Variants in COG3 observed in about 807,000 individuals in gnomAD.
The protein encoded by COG3 is conserved oligomeric Golgi complex subunit 3.
COG3 carries 32 observed loss-of-function variants against 114.1 expected under a neutral mutation model. That is an observed-to-expected ratio of 0.28 (90% CI 0.21 to 0.38). The LOEUF is 0.38. Among genes scored for constraint, COG3 ranks in the 10% least tolerant of loss-of-function variants. The pLI is 1.00. For missense variants in COG3, 813 were observed against 973.2 expected (o/e 0.84, Z 2.19); for synonymous variants, 352 against 365.7 (o/e 0.96, Z 0.43).
chr13:45,534,591 A>C, intron 22 of COG3, 111 bp from the exon 23 acceptor site: 1 of 603,212 alleles, frequency 1.7e-6, no homozygotes, highest in Non-Finnish European at 2.8e-6. Flanking sequence ...ACCTGGCTGT[A>C]TTGCATGATG....
At chr13:45,488,432 C>T (rs554257563) in intron 8 of COG3, among the ~76,000 whole-genome samples, 1 of 152,286 alleles carries the variant, frequency 6.6e-6, no homozygotes, top group African/African-American at 2.4e-5. Context: ...ACTCTAAACA[C>T]TCTGATTTGA....
chr13:45,505,285 A>C (rs1312137702), intron 14 of COG3, among the ~76,000 whole-genome samples: 1 of 145,894 alleles, frequency 6.9e-6, no homozygotes, highest in Non-Finnish European at 1.5e-5. Context: ...AATAAAATAT[A>C]CTAAAATTAA....
At chr13:45,500,538 T>C (rs1869412079) in intron 13 of COG3, among the ~76,000 whole-genome samples, 1 of 152,244 alleles carries the variant, frequency 6.6e-6, no homozygotes, top group Admixed American at 6.5e-5. Context: ...CTTTTATTTT[T>C]ATTTTTAAAG....
At chr13:45,498,798 T>TTTC (rs10691523) in intron 13 of COG3, among the ~76,000 whole-genome samples, 18,006 of 148,226 alleles carry the variant, frequency 0.12, 1,591 homozygotes, top group African/African-American at 0.25. Context: ...TTTTTTTTTT[T>TTTC]CAAATTGTTT....
Position 45,508,417 on chromosome 13 carries a change from CACACACACAT to C in COG3, c.1595-1269_1595-1260del, listed in dbSNP as rs1158640239. 7.6e-3 allele frequency among the ~76,000 whole-genome samples: 902 copies of C among 117,936 alleles called. 12 individuals are homozygous for C. The highest frequency in any genetic ancestry group is 0.021 in the African/African-American group (733 of 34,542). 77.4% of individuals were successfully genotyped at this position (117,936 alleles called of 152,430 possible). ...ATATATATATATACACACACACACA[CACACACACAT>C]ACACATATATATACATATATGTGTA... On this transcript the variant is annotated intron_variant, in intron 14 of 22. Coordinates refer to ENST00000349995, the MANE Select transcript of COG3 (RefSeq NM_031431.4).
Position 45,490,940 on chromosome 13 carries a change from G to T in COG3, c.950G>T (p.Arg317Leu). ...VRTLIEQIELRSEKIPEYQQL... is the reference protein window; with the variant it reads ...VRTLIEQIELLSEKIPEYQQL... Reference sequence around the variant, plus strand: ...ACTCTTATTGAACAAATAGAACTGCGGTCTGAAAAAATACCTGAGTGAGTA... The same window carrying T: ...ACTCTTATTGAACAAATAGAACTGCTGTCTGAAAAAATACCTGAGTGAGTA... The change falls in exon 9 of 23, where the codon CGG (arginine) becomes CTG (leucine). Residue 317 changes from arginine (R) to leucine (L), a missense_variant. By Grantham distance (102) the Arg-to-Leu change is moderately radical. Around this residue, in one of 2 missense-constraint regions of COG3, gnomAD observed 424 missense variants for 430.6 expected, o/e 0.98. Coordinates refer to ENST00000349995, the MANE Select transcript of COG3 (RefSeq NM_031431.4). The T allele has an allele frequency of 1.3e-6, 2 of 1,598,166 alleles. No homozygotes were observed. The highest frequency in any genetic ancestry group is 1.1e-5 in the South Asian group (1 of 89,250).
Position 45,516,697 on chromosome 13 carries a change from T to C in COG3, c.1930+434T>C, listed in dbSNP as rs559838600. On this transcript the variant is annotated intron_variant, in intron 17 of 22. Coordinates refer to ENST00000349995, the MANE Select transcript of COG3 (RefSeq NM_031431.4). ...AAGAATTTGAAAGCACTGGGTTTTC[T>C]TCCTGTCCCATCATTTCCCGGCCTT... Among the ~76,000 whole-genome samples, 4 of 152,314 alleles carry C rather than the reference T, an allele frequency of 2.6e-5. No homozygotes were observed. In the South Asian group the frequency reaches 8.3e-4, roughly 32 times the overall value.
intron 14 of COG3, among the ~76,000 whole-genome samples, chr13:45,509,360 T>C (rs547809790): frequency 8.3e-4 from 127 of 152,314 alleles, no homozygotes; most frequent in African/African-American, 3.0e-3. Context: ...TTTTAATGGC[T>C]GCATTCTATA....
In COG3 at chr13:45,464,962, C is replaced by G. The variant is rs1593662298; in HGVS notation, c.-75C>G. ...GTGCAGTGTTGGAAGCTCCGGTTCT[C>G]CCGGAAGTGGCCCAGGTCTCTCTGT... On this transcript the variant is annotated 5_prime_UTR_variant, in exon 1 of 23. Coordinates refer to ENST00000349995, the MANE Select transcript of COG3 (RefSeq NM_031431.4). 6.0e-6 allele frequency: 9 copies of G among 1,490,124 alleles called. No homozygotes were observed. The Admixed American group carries it at 1.8e-4, about 30-fold the overall frequency. 92.3% of individuals were successfully genotyped at this position (1,490,124 alleles called of 1,614,324 possible). A position where few individuals can be genotyped will look rare whatever the true frequency, so the allele number is the denominator to read the frequency against.
intron 13 of COG3, among the ~76,000 whole-genome samples, chr13:45,500,040 ATG>A (rs1273258218): frequency 0.011 from 1,474 of 136,812 alleles, 27 homozygotes; most frequent in African/African-American, 0.041. Context: ...ATATATATGT[ATG>A]TGTGTGTGTG....
At chr13:45,506,344 C>T (rs546613603) in intron 14 of COG3, among the ~76,000 whole-genome samples, 4 of 151,850 alleles carry the variant, frequency 2.6e-5, no homozygotes, top group African/African-American at 9.7e-5. Context: ...GAACAGCCAG[C>T]GTGGTCAGAA....
intron 15 of COG3, 82 bp from the exon 16 acceptor site, chr13:45,511,683 A>G: frequency 3.0e-6 from 3 of 992,412 alleles, no homozygotes; most frequent in South Asian, 2.7e-5. Context: ...AGGCATTGTT[A>G]TTTGCACTTA....
At chr13:45,528,396 C>T (rs1239771092) in intron 20 of COG3, among the ~76,000 whole-genome samples, 1 of 152,156 alleles carries the variant, frequency 6.6e-6, no homozygotes, top group African/African-American at 2.4e-5. Flanking sequence ...CAAGAACCCT[C>T]TCTTGGGGTC....
chr13:45,535,463 T>C lies in COG3; in HGVS notation c.*732T>C. ...ATCTTTAATGAGTATCTTCATGGTA[T>C]GATAGTGTGTGTTTGTGAGTGCGAA... On this transcript the variant is annotated 3_prime_UTR_variant, in exon 23 of 23. Transcript: ENST00000349995. 1 of 985,466 alleles carries C rather than the reference T, an allele frequency of 1.0e-6. No homozygotes were observed. Among genetic ancestry groups the C allele is most frequent in the Non-Finnish European group, 1.2e-6 (1 of 829,964 alleles). The allele number at this position is 985,466 out of a possible 1,614,324, so 61.0% of individuals were successfully genotyped here.
Position 45,465,030 on chromosome 13 carries a change from G to A in COG3, c.-7G>A, listed in dbSNP as rs377320049. ...CGCTGCTGCTGAAGGCCGCGAGGGC[G>A]GCGGCGATGGCGGAGGCGGCGCTGT... On this transcript the variant is annotated 5_prime_UTR_variant, in exon 1 of 23. Coordinates refer to ENST00000349995, the MANE Select transcript of COG3 (RefSeq NM_031431.4). The A allele has an allele frequency of 1.9e-6, 3 of 1,562,186 alleles. No individual in the cohort carries two copies. The highest frequency in any genetic ancestry group is 2.7e-5 in the African/African-American group (2 of 73,646).
chr13:45,483,369 TCTC>T lies in COG3; in HGVS notation c.843+15_843+17del. The T allele has an allele frequency of 6.4e-7, 1 of 1,554,562 alleles. No individual in the cohort carries two copies. Among genetic ancestry groups the T allele is most frequent in the South Asian group, 1.2e-5 (1 of 81,206 alleles). Reference sequence around the variant, plus strand: ...TTACTGAAAAGGGTGAGTTAACTGATCTCAACAACAGGTTTTTGTTATTGTTGT... The same window carrying T: ...TTACTGAAAAGGGTGAGTTAACTGATAACAACAGGTTTTTGTTATTGTTGT... On this transcript the variant is annotated intron_variant, in intron 7 of 22. Coordinates refer to ENST00000349995, the MANE Select transcript of COG3 (RefSeq NM_031431.4).
chr13:45,486,311 C>T (rs1038451424), intron 7 of COG3, among the ~76,000 whole-genome samples, 184 bp from the exon 8 acceptor site: 6 of 44,798 alleles, frequency 1.3e-4, no homozygotes, highest in Non-Finnish European at 2.0e-4. Context: ...AGACGGGAGA[C>T]GGGAGACGGG....
intron 13 of COG3, among the ~76,000 whole-genome samples, chr13:45,499,611 G>T (rs1480752606): frequency 6.6e-6 from 1 of 152,172 alleles, no homozygotes; most frequent in Admixed American, 6.5e-5. Flanking sequence ...GAGTATTGTT[G>T]TAAGAGTAAA....
intron 13 of COG3, among the ~76,000 whole-genome samples, chr13:45,498,298 C>T (rs57990347): frequency 0.32 from 47,589 of 148,362 alleles, 8,718 homozygotes; most frequent in Admixed American, 0.42. Context: ...AACATTAATT[C>T]AATAATATTA....
Sources: allele counts gnomAD v4.1 joint callset (sites outside exome capture counted in the v4.1 genomes callset), GRCh38; gene constraint gnomAD v4.1.1; regional missense constraint gnomAD v4.1.1; transcripts MANE v1.5; gene names NCBI Gene and HGNC (gene_info 2026-07-23, HGNC 2026-07-21).